Variants in CNTNAP2 observed in about 807,000 individuals in gnomAD.
CNTNAP2 encodes contactin associated protein 2.
A neutral mutation model predicts 155.2 loss-of-function variants in CNTNAP2; 98 were observed. That is an observed-to-expected ratio of 0.63 (90% CI 0.54 to 0.75). CNTNAP2 has a LOEUF of 0.75. Ranked by LOEUF, CNTNAP2 falls within the 30% of genes least tolerant of loss-of-function variation. The probability of loss-of-function intolerance (pLI) is 0.00; values close to 1 mark genes in which losing one functional copy is unlikely to be tolerated. For missense variants in CNTNAP2, 1,727 were observed against 1,688.1 expected (o/e 1.02, Z -0.40); for synonymous variants, 651 against 631.2 (o/e 1.03, Z -0.47).
At chr7:146,657,678 G>C (rs187537454) in intron 1 of CNTNAP2, among the ~76,000 whole-genome samples, 8 of 151,500 alleles carry the variant, frequency 5.3e-5, no homozygotes, top group Admixed American at 4.6e-4. Flanking sequence ...TTTTTCTTTG[G>C]GATTTTGGAC....
At chr7:146,513,523 C>T (rs938198927) in intron 1 of CNTNAP2, among the ~76,000 whole-genome samples, 3 of 150,954 alleles carry the variant, frequency 2.0e-5, no homozygotes, top group African/African-American at 7.4e-5. Flanking sequence ...AAACAAACAA[C>T]AATTAACTTT....
At chr7:146,929,764 G>A (rs947668118) in intron 3 of CNTNAP2, among the ~76,000 whole-genome samples, 18 of 152,182 alleles carry the variant, frequency 1.2e-4, no homozygotes, top group Non-Finnish European at 2.2e-4. Flanking sequence ...GGAGCTGAAA[G>A]CCAAGGCTCG....
rs75841345 is a variant in CNTNAP2 at position 147,542,031 on chromosome 7, T to C, written c.1778-20107T>C. ...GTTCAGGTCCATATGTGCTTTGAAATTCTAAGGGTGAGAAGATGACTATCA... is the reference window on the plus strand; with the variant it reads ...GTTCAGGTCCATATGTGCTTTGAAACTCTAAGGGTGAGAAGATGACTATCA... On this transcript the variant is annotated intron_variant, in intron 11 of 23. Coordinates refer to ENST00000361727, the MANE Select transcript of CNTNAP2 (RefSeq NM_014141.6). Among the ~76,000 whole-genome samples the C allele has an allele frequency of 1.2e-3, 190 of 152,278 alleles. 2 individuals carry two copies. The highest frequency in any genetic ancestry group is 4.3e-3 in the African/African-American group (178 of 41,562).
chr7:147,777,948 G>A (rs1225385819), intron 13 of CNTNAP2, among the ~76,000 whole-genome samples: 2 of 152,128 alleles, frequency 1.3e-5, no homozygotes, highest in African/African-American at 4.8e-5. Flanking sequence ...CTGTCACAGA[G>A]CTTATTTATA....
At chr7:147,353,621 C>T (rs954339910) in intron 9 of CNTNAP2, among the ~76,000 whole-genome samples, 21 of 152,176 alleles carry the variant, frequency 1.4e-4, no homozygotes, top group Middle Eastern at 6.8e-3. Context: ...GTGTATGCGT[C>T]TTTAGAGTAG....
intron 16 of CNTNAP2, among the ~76,000 whole-genome samples, chr7:148,133,100 T>A (rs1221743424): frequency 6.6e-6 from 1 of 152,118 alleles, no homozygotes; most frequent in Admixed American, 6.5e-5. Context: ...TATGTAATCT[T>A]CTTTAAAAAT....
chr7:147,785,460 G>A (rs370406646), intron 13 of CNTNAP2, among the ~76,000 whole-genome samples: 2 of 152,176 alleles, frequency 1.3e-5, no homozygotes, highest in Admixed American at 6.5e-5. Context: ...TAGAATAATA[G>A]GTGGGAAAGC....
chr7:146,704,864 A>G (rs1185903790), intron 1 of CNTNAP2, among the ~76,000 whole-genome samples: 2 of 152,172 alleles, frequency 1.3e-5, no homozygotes, highest in South Asian at 2.1e-4. Flanking sequence ...AGACCCAAGC[A>G]TACCTATGGG....
At chr7:147,136,654 A>T (rs1480781991) in intron 8 of CNTNAP2, among the ~76,000 whole-genome samples, 2 of 151,964 alleles carry the variant, frequency 1.3e-5, no homozygotes, top group East Asian at 3.9e-4. Flanking sequence ...CAATTAAAAT[A>T]TCTCTGTTCT....
At chr7:146,790,542 A>G (rs889985768) in intron 2 of CNTNAP2, among the ~76,000 whole-genome samples, 3 of 151,056 alleles carry the variant, frequency 2.0e-5, no homozygotes, top group East Asian at 3.9e-4. Context: ...CAGCAAAACT[A>G]TCTTATCTTC....
At chr7:146,357,329 A>G (rs2129100057) in intron 1 of CNTNAP2, among the ~76,000 whole-genome samples, 1 of 152,180 alleles carries the variant, frequency 6.6e-6, no homozygotes, top group East Asian at 1.9e-4. Flanking sequence ...AATGACCCTA[A>G]TCATTGCTTT....
chr7:146,569,793 A>G (rs1798413952), intron 1 of CNTNAP2, among the ~76,000 whole-genome samples: 1 of 152,202 alleles, frequency 6.6e-6, no homozygotes, highest in African/African-American at 2.4e-5. Flanking sequence ...AGAGTTTCCT[A>G]CAAGACAGTG....
intron 1 of CNTNAP2, among the ~76,000 whole-genome samples, chr7:146,373,156 A>C (rs984141026): frequency 3.9e-5 from 6 of 152,190 alleles, no homozygotes; most frequent in African/African-American, 1.4e-4. Flanking sequence ...ACCTTGGAGA[A>C]AAGACATTTA....
intron 2 of CNTNAP2, among the ~76,000 whole-genome samples, chr7:146,836,356 G>T (rs1008081479): frequency 6.6e-6 from 1 of 152,008 alleles, no homozygotes; most frequent in Non-Finnish European, 1.5e-5. Flanking sequence ...ATACTCTTTT[G>T]TGTATGTACT....
intron 1 of CNTNAP2, among the ~76,000 whole-genome samples, chr7:146,352,174 T>C (rs1794924709): frequency 6.6e-6 from 1 of 152,222 alleles, no homozygotes; most frequent in Non-Finnish European, 1.5e-5. Flanking sequence ...TATTTACATG[T>C]TGTACACTAT....
chr7:148,210,885 A>T (rs1472555403), intron 18 of CNTNAP2, among the ~76,000 whole-genome samples: 1 of 152,256 alleles, frequency 6.6e-6, no homozygotes, highest in Non-Finnish European at 1.5e-5. Context: ...ACACTTGGGG[A>T]GAAAAAGCAG....
At chr7:148,398,207 T>C (rs1292915151) in intron 22 of CNTNAP2, among the ~76,000 whole-genome samples, 2 of 152,204 alleles carry the variant, frequency 1.3e-5, no homozygotes, top group African/African-American at 4.8e-5. Flanking sequence ...TCTGGGTGAC[T>C]CCACCATGTT....
At chr7:146,585,118 G>A (rs1052258244) in intron 1 of CNTNAP2, among the ~76,000 whole-genome samples, 7 of 151,688 alleles carry the variant, frequency 4.6e-5, no homozygotes, top group Admixed American at 3.9e-4. Context: ...GTTTTGTTTT[G>A]TTTTGTTTTG....
Position 148,058,894 on chromosome 7 carries a change from A to T in CNTNAP2, c.2384-59224A>T, listed in dbSNP as rs939004629. Among the ~76,000 whole-genome samples, 7 of 152,302 alleles carry T rather than the reference A, an allele frequency of 4.6e-5. No homozygotes were observed. The East Asian group carries it at 1.4e-3, about 29-fold the overall frequency. On this transcript the variant is annotated intron_variant, in intron 15 of 23. Transcript: ENST00000361727. ...TACCTTTAGGGAAATGGTTGTGAAC[A>T]AAAGGGGCACACAGGGGGTGTCTGG...
Sources: allele counts gnomAD v4.1 joint callset (sites outside exome capture counted in the v4.1 genomes callset), GRCh38; gene constraint gnomAD v4.1.1; transcripts MANE v1.5; gene names NCBI Gene and HGNC (gene_info 2026-07-23, HGNC 2026-07-21).